ARK2C: variants seen among roughly 807,000 people sequenced by gnomAD.
ARK2C encodes the protein E3 ubiquitin-protein ligase ARK2C.
the ARK2C span, among the ~76,000 whole-genome samples, chr18:46,373,259 C>A: frequency 1.3e-5 from 2 of 152,230 alleles, no homozygotes; most frequent in East Asian, 3.8e-4. Flanking sequence ...TGGCTAATGC[C>A]CAGCCAAAGG....
the ARK2C span, among the ~76,000 whole-genome samples, chr18:46,366,245 T>G: frequency 8.0e-6 from 1 of 125,334 alleles, no homozygotes; most frequent in Non-Finnish European, 1.6e-5. Flanking sequence ...TGAGCCAAGA[T>G]CACGCCAGTG....
the ARK2C span, among the ~76,000 whole-genome samples, chr18:46,377,189 T>A: frequency 6.6e-6 from 1 of 152,356 alleles, no homozygotes; most frequent in African/African-American, 2.4e-5. Flanking sequence ...GAAAAAGGTA[T>A]ATAATGTACC....
chr18:46,456,491 G>T, the ARK2C span: 1 of 1,532,104 alleles, frequency 6.5e-7, no homozygotes, highest in Non-Finnish European at 9.0e-7. Context: ...CTCTTGCCGG[G>T]CCTCTGACTC....
the ARK2C span, among the ~76,000 whole-genome samples, chr18:46,375,742 A>G: frequency 6.6e-6 from 1 of 151,992 alleles, no homozygotes; most frequent in African/African-American, 2.4e-5. Context: ...GGCAAGTTGG[A>G]GGAGATATTT....
At chr18:46,346,580 C>T in the ARK2C span, among the ~76,000 whole-genome samples, 1 of 152,140 alleles carries the variant, frequency 6.6e-6, no homozygotes, top group African/African-American at 2.4e-5. Context: ...CTACCAGCTG[C>T]GGGACTTTGG....
At chr18:46,444,496 A>G in the ARK2C span, among the ~76,000 whole-genome samples, 1 of 151,920 alleles carries the variant, frequency 6.6e-6, no homozygotes, top group Non-Finnish European at 1.5e-5. Context: ...TCAGGATTTC[A>G]TTCTGTCACC....
At chr18:46,334,618 C>A in the ARK2C span, 1 of 483,076 alleles carries the variant, frequency 2.1e-6, no homozygotes, top group African/African-American at 2.1e-5. The surrounding 1 kb of genome is among the most constrained non-coding windows in gnomAD (Gnocchi z 4.4). Flanking sequence ...CAAATCACAG[C>A]CCCTTCCCCT....
the ARK2C span, among the ~76,000 whole-genome samples, chr18:46,389,949 A>T: frequency 1.3e-5 from 2 of 152,052 alleles, no homozygotes; most frequent in Non-Finnish European, 2.9e-5. Flanking sequence ...GGCTGGTCTT[A>T]AACTCCTGAG....
chr18:46,380,834 A>G, the ARK2C span, among the ~76,000 whole-genome samples: 1 of 152,226 alleles, frequency 6.6e-6, no homozygotes, highest in East Asian at 1.9e-4. Flanking sequence ...CCCTTCCTGC[A>G]GGTCCCCATC....
the ARK2C span, chr18:46,456,406 A>C: frequency 1.3e-6 from 1 of 773,436 alleles, no homozygotes; most frequent in Non-Finnish European, 2.2e-6. Flanking sequence ...CATCTCAGCC[A>C]CAGCCTCCCT....
the ARK2C span, among the ~76,000 whole-genome samples, chr18:46,416,544 C>T: frequency 1.1e-4 from 16 of 152,338 alleles, no homozygotes; most frequent in South Asian, 2.1e-3. Flanking sequence ...TAAACGACAA[C>T]GCCATTTGTA....
the ARK2C span, among the ~76,000 whole-genome samples, chr18:46,341,967 A>T: frequency 6.6e-6 from 1 of 152,166 alleles, no homozygotes; most frequent in Non-Finnish European, 1.5e-5. Flanking sequence ...AGGGAGCCCG[A>T]CCCAGTAGCG....
chr18:46,343,619 G>A, the ARK2C span, among the ~76,000 whole-genome samples: 10 of 152,212 alleles, frequency 6.6e-5, no homozygotes, highest in Admixed American at 5.9e-4. Context: ...TGAGTACTCC[G>A]CGACTTCACT....
the ARK2C span, among the ~76,000 whole-genome samples, chr18:46,358,098 G>A: frequency 6.6e-6 from 1 of 152,160 alleles, no homozygotes; most frequent in African/African-American, 2.4e-5. Flanking sequence ...TCCAAATAAG[G>A]TCACACTCAC....
chr18:46,417,837 C>T, the ARK2C span, among the ~76,000 whole-genome samples: 1 of 151,338 alleles, frequency 6.6e-6, no homozygotes, highest in East Asian at 2.0e-4. Context: ...AACCCCGTCT[C>T]TACTAAAAAT....
the ARK2C span, among the ~76,000 whole-genome samples, chr18:46,447,211 C>T: frequency 1.3e-5 from 2 of 152,092 alleles, no homozygotes; most frequent in African/African-American, 4.8e-5. Flanking sequence ...TTTATCTGAA[C>T]CTTGTCTTTC....
chr18:46,351,727 T>C, the ARK2C span, among the ~76,000 whole-genome samples: 4 of 152,218 alleles, frequency 2.6e-5, no homozygotes, highest in African/African-American at 9.6e-5. Flanking sequence ...TTACATCGCC[T>C]GGAAACAGAG....
chr18:46,385,868 G>A, the ARK2C span: 5 of 152,240 alleles, frequency 3.3e-5, no homozygotes, highest in Non-Finnish European at 7.3e-5. Context: ...TCTGGGGCTG[G>A]AAGAGTTGCT....
chr18:46,363,721 C>T, the ARK2C span, among the ~76,000 whole-genome samples: 1 of 152,142 alleles, frequency 6.6e-6, no homozygotes. Flanking sequence ...ATGAGCTGGC[C>T]TTGTAGTCCC....
Sources: allele counts gnomAD v4.1 joint callset (sites outside exome capture counted in the v4.1 genomes callset), GRCh38; gene constraint gnomAD v4.1.1; non-coding constraint Gnocchi (gnomAD v3.1); transcripts MANE v1.5; gene names NCBI Gene and HGNC (gene_info 2026-07-23, HGNC 2026-07-21).